The following MYLK variants were observed in gnomAD, a reference collection of about 807,000 sequenced individuals.
The protein encoded by MYLK is myosin light chain kinase, smooth muscle.
MYLK carries 106 observed loss-of-function variants against 203.4 expected under a neutral mutation model. The ratio of observed to expected loss-of-function variants is 0.52; its 90% CI spans 0.45 to 0.61. The LOEUF (loss-of-function observed/expected upper bound fraction) is 0.61. Among genes scored for constraint, MYLK ranks in the 20% least tolerant of loss-of-function variants. The probability of loss-of-function intolerance (pLI) is 0.00; values close to 1 mark genes in which losing one functional copy is unlikely to be tolerated. For synonymous variants in MYLK, 867 were observed against 959.5 expected (o/e 0.90, Z 1.78); for missense variants, 2,072 against 2,442.3 (o/e 0.85, Z 3.20).
At chr3:123,721,605 T>C (rs562842090) in intron 13 of MYLK, among the ~76,000 whole-genome samples, 4 of 152,100 alleles carry the variant, frequency 2.6e-5, no homozygotes, top group African/African-American at 9.6e-5. Flanking sequence ...GGGGACAACC[T>C]GTGACCCTCT....
chr3:123,703,890 T>A (rs2061348018), intron 16 of MYLK, among the ~76,000 whole-genome samples: 1 of 152,216 alleles, frequency 6.6e-6, no homozygotes, highest in South Asian at 2.1e-4. Flanking sequence ...GATGCAAACA[T>A]CAGGAGCAGA....
intron 3 of MYLK, among the ~76,000 whole-genome samples, chr3:123,804,636 T>C (rs1033120103): frequency 1.3e-5 from 2 of 152,126 alleles, no homozygotes; most frequent in African/African-American, 4.8e-5. Flanking sequence ...TCTGTGGGGA[T>C]GATCTTAAGG....
chr3:123,775,333 C>G lies in MYLK; in HGVS notation c.165+18344G>C, dbSNP rs569776288. 2.6e-5 allele frequency among the ~76,000 whole-genome samples: 4 copies of G among 152,322 alleles called. No homozygotes were observed. In the South Asian group the frequency reaches 8.3e-4, roughly 32 times the overall value. On this transcript the variant is annotated intron_variant, in intron 4 of 33. Coordinates refer to ENST00000360304, the MANE Select transcript of MYLK (RefSeq NM_053025.4). ...TAGGCATGGGGTACCTCACCTGGCT[C>G]TCAGCATCGGCAGATCTCACAAAAC... is the stretch of plus-strand genomic sequence containing the variant.
At chr3:123,787,559 G>C (rs946895052) in intron 4 of MYLK, among the ~76,000 whole-genome samples, 5 of 152,148 alleles carry the variant, frequency 3.3e-5, no homozygotes, top group African/African-American at 1.2e-4. Flanking sequence ...ACAAGAAACG[G>C]TCATCGCGTT....
intron 9 of MYLK, 197 bp from the exon 10 acceptor site, chr3:123,734,419 G>T (rs1227638233): frequency 3.6e-6 from 2 of 550,434 alleles, no homozygotes; most frequent in Non-Finnish European, 3.1e-6. Flanking sequence ...AGCCATTCCC[G>T]ACACTTGCCT....
At chr3:123,875,466 G>A (rs772037399) in intron 2 of MYLK, among the ~76,000 whole-genome samples, 2 of 152,152 alleles carry the variant, frequency 1.3e-5, no homozygotes, top group Admixed American at 6.6e-5. Flanking sequence ...CTGCATGGTG[G>A]GAGAGCAGAC....
chr3:123,725,807 C>G (rs1159098469), intron 12 of MYLK, 137 bp downstream of exon 12: 2 of 1,333,946 alleles, frequency 1.5e-6, no homozygotes. Flanking sequence ...TGCCCGTGCT[C>G]TCTTTGTGCC....
At chr3:123,621,152 T>C (rs1381824264) in intron 31 of MYLK, 2 of 152,226 alleles carry the variant, frequency 1.3e-5, no homozygotes, top group South Asian at 2.1e-4. Flanking sequence ...ATGTAATTTA[T>C]TTACATTGCG....
chr3:123,793,209 A>G (rs1012907283), intron 4 of MYLK, among the ~76,000 whole-genome samples: 1 of 152,210 alleles, frequency 6.6e-6, no homozygotes, highest in Non-Finnish European at 1.5e-5. Flanking sequence ...GACAGAAGTG[A>G]AATGAGAGGT....
intron 4 of MYLK, among the ~76,000 whole-genome samples, chr3:123,753,167 G>A (rs2063257374): frequency 6.6e-6 from 1 of 152,158 alleles, no homozygotes; most frequent in Non-Finnish European, 1.5e-5. Flanking sequence ...CTGTAAGTGT[G>A]CATTACACAC....
At chr3:123,791,051 C>A (rs1449848830) in intron 4 of MYLK, among the ~76,000 whole-genome samples, 2 of 152,142 alleles carry the variant, frequency 1.3e-5, no homozygotes, top group African/African-American at 2.4e-5. Context: ...CTGAGGCCAT[C>A]CTGAGAGTGA....
intron 4 of MYLK, among the ~76,000 whole-genome samples, chr3:123,769,436 C>G (rs1235721733): frequency 6.6e-6 from 1 of 152,230 alleles, no homozygotes; most frequent in African/African-American, 2.4e-5. Context: ...CTGTGACTTA[C>G]TCATGAGAGG....
intron 2 of MYLK, among the ~76,000 whole-genome samples, chr3:123,859,619 A>C (rs1034660624): frequency 6.6e-6 from 1 of 152,256 alleles, no homozygotes; most frequent in Non-Finnish European, 1.5e-5. Context: ...ATATTAAAAG[A>C]ACTGTCCATA....
chr3:123,778,001 T>G (rs927131500), intron 4 of MYLK, among the ~76,000 whole-genome samples: 3 of 152,176 alleles, frequency 2.0e-5, no homozygotes, highest in Non-Finnish European at 4.4e-5. Flanking sequence ...TATTTCTGTA[T>G]GCTATTCTTA....
At chr3:123,883,433 C>T (rs1392945952) in intron 1 of MYLK, among the ~76,000 whole-genome samples, 13 of 152,144 alleles carry the variant, frequency 8.5e-5, no homozygotes, top group African/African-American at 3.1e-4. Context: ...CCAACACACA[C>T]ACCCCAATCT....
intron 5 of MYLK, among the ~76,000 whole-genome samples, chr3:123,743,898 C>G (rs1413354129): frequency 1.3e-5 from 2 of 152,180 alleles, no homozygotes; most frequent in Non-Finnish European, 2.9e-5. Context: ...AACAGAGACT[C>G]TCAACACTGA....
intron 3 of MYLK, among the ~76,000 whole-genome samples, chr3:123,827,041 T>C (rs1052828744): frequency 2.0e-5 from 3 of 152,254 alleles, no homozygotes; most frequent in Non-Finnish European, 2.9e-5. Flanking sequence ...CCAAGAAAGA[T>C]AGTAATTATC....
chr3:123,853,772 A>T (rs773686879), intron 2 of MYLK, among the ~76,000 whole-genome samples: 1 of 152,142 alleles, frequency 6.6e-6, no homozygotes, highest in Non-Finnish European at 1.5e-5. Context: ...AAGGATGAGC[A>T]TATTTTGCAT....
chr3:123,631,055 T>C (rs562789593), intron 29 of MYLK, among the ~76,000 whole-genome samples: 144 of 152,270 alleles, frequency 9.5e-4, no homozygotes, highest in African/African-American at 3.4e-3. Context: ...ACCTTTCATG[T>C]TGCAAATTGT....
Sources: gnomAD v4.1 joint callset for allele counts (sites outside exome capture counted in the v4.1 genomes callset) on GRCh38, gnomAD v4.1.1 for gene constraint, MANE v1.5 for transcripts, NCBI Gene and HGNC (gene_info 2026-07-23, HGNC 2026-07-21) for gene names.